The following MED12L variants were observed in gnomAD, a reference collection of about 807,000 sequenced individuals.
MED12L encodes the protein mediator of RNA polymerase II transcription subunit 12-like protein.
Under a neutral mutation model 281.3 loss-of-function variants are expected in MED12L, and 60 were observed. That is an observed-to-expected ratio of 0.21 (90% confidence interval 0.17 to 0.26). The LOEUF is 0.26. Ranked by LOEUF, MED12L falls within the 10% of genes least tolerant of loss-of-function variation. The pLI is 1.00. For missense variants in MED12L, 2,146 were observed against 2,680.9 expected (o/e 0.80, Z 4.41); for synonymous variants, 974 against 987.2 (o/e 0.99, Z 0.25).
At chr3:151,329,187 C>T (rs1401181907) in intron 16 of MED12L, among the ~76,000 whole-genome samples, 2 of 152,144 alleles carry the variant, frequency 1.3e-5, no homozygotes, top group Non-Finnish European at 2.9e-5. Flanking sequence ...ATTTTTAAAG[C>T]ATATAATACA....
intron 16 of MED12L, among the ~76,000 whole-genome samples, chr3:151,209,466 A>ATGTCT (rs1726832176): frequency 6.6e-6 from 1 of 152,166 alleles, no homozygotes; most frequent in African/African-American, 2.4e-5. Flanking sequence ...TTTGACGGGC[A>ATGTCT]TGTCTTGTCT....
At chr3:151,419,538 A>C (rs992420470) in intron 43 of MED12L, among the ~76,000 whole-genome samples, 1 of 152,130 alleles carries the variant, frequency 6.6e-6, no homozygotes, top group East Asian at 1.9e-4. Context: ...CTCAAATGTT[A>C]ATCTCCTTTG....
At chr3:151,129,581 C>T (rs1715059799) in intron 5 of MED12L, among the ~76,000 whole-genome samples, 1 of 152,028 alleles carries the variant, frequency 6.6e-6, no homozygotes, top group African/African-American at 2.4e-5. Flanking sequence ...ACAAAATTTT[C>T]AAATAGTGCT....
intron 16 of MED12L, among the ~76,000 whole-genome samples, chr3:151,207,563 T>C (rs1042536778): frequency 3.9e-4 from 59 of 152,078 alleles, no homozygotes; most frequent in African/African-American, 1.2e-3. Flanking sequence ...TGAGACCAAA[T>C]CTTGGATGCT....
At chr3:151,427,117 C>A (rs140668397) in intron 43 of MED12L, among the ~76,000 whole-genome samples, 1 of 152,186 alleles carries the variant, frequency 6.6e-6, no homozygotes, top group Non-Finnish European at 1.5e-5. Context: ...CTGTGCCTGG[C>A]CTGGTTTACA....
chr3:151,417,482 C>A (rs934421236), intron 43 of MED12L, among the ~76,000 whole-genome samples: 17 of 99,726 alleles, frequency 1.7e-4, no homozygotes, highest in East Asian at 1.3e-3. Context: ...CAGCTCCCCC[C>A]CCGCCTTTTT....
chr3:151,287,649 C>T (rs1299679865), intron 16 of MED12L, among the ~76,000 whole-genome samples: 6 of 152,046 alleles, frequency 3.9e-5, no homozygotes, highest in Admixed American at 1.3e-4. Context: ...AGGTGTGCCT[C>T]GGTTTCTTCA....
At chr3:151,269,532 G>C (rs937118612) in intron 16 of MED12L, 33 of 299,730 alleles carry the variant, frequency 1.1e-4, no homozygotes, top group Non-Finnish European at 2.0e-4. Context: ...TTTGGAAGAG[G>C]TCAAAATTGA....
At chr3:151,368,647 T>TCATGTCATG (rs1755676388) in intron 25 of MED12L, among the ~76,000 whole-genome samples, 2 of 64,390 alleles carry the variant, frequency 3.1e-5, no homozygotes, top group Admixed American at 3.2e-4. Flanking sequence ...TTCATTTCAT[T>TCATGTCATG]TCATTTCATT....
intron 2 of MED12L, among the ~76,000 whole-genome samples, chr3:151,101,522 G>T (rs1721391005): frequency 6.6e-6 from 1 of 152,154 alleles, no homozygotes; most frequent in Non-Finnish European, 1.5e-5. Flanking sequence ...CGTGAGTTCA[G>T]AAAAGAGAGG....
intron 16 of MED12L, chr3:151,338,778 A>T (rs758305935): frequency 1.9e-6 from 3 of 1,613,944 alleles, no homozygotes; most frequent in East Asian, 4.5e-5. Flanking sequence ...GACCTGGGTG[A>T]TTTTGTAGTC....
intron 9 of MED12L, among the ~76,000 whole-genome samples, chr3:151,164,790 G>C (rs1033993762): frequency 3.9e-5 from 6 of 152,010 alleles, no homozygotes; most frequent in Non-Finnish European, 8.8e-5. Flanking sequence ...CTCATAGGTG[G>C]GAATGGAACA....
chr3:151,273,402 A>ATTTTTTTTTTTT (rs531443713), intron 16 of MED12L, among the ~76,000 whole-genome samples: 2 of 113,616 alleles, frequency 1.8e-5, no homozygotes, highest in Non-Finnish European at 3.5e-5. Context: ...TAATTTTTGT[A>ATTTTTTTTTTTT]TTTTTTTTTT....
At chr3:151,347,244 C>T (rs1217371677) in intron 16 of MED12L, among the ~76,000 whole-genome samples, 1 of 152,130 alleles carries the variant, frequency 6.6e-6, no homozygotes, top group Admixed American at 6.5e-5. Context: ...TAATTTTTCT[C>T]CTTATCTTCA....
At chr3:151,151,192 C>T (rs530914380) in intron 5 of MED12L, among the ~76,000 whole-genome samples, 1 of 151,792 alleles carries the variant, frequency 6.6e-6, no homozygotes, top group Non-Finnish European at 1.5e-5. Context: ...CGCCCGCCAC[C>T]ACACCCAGCT....
intron 17 of MED12L, among the ~76,000 whole-genome samples, chr3:151,354,140 C>CAAAAAA (rs63033360): frequency 0.028 from 1,750 of 62,832 alleles, 140 homozygotes; most frequent in East Asian, 0.13. Flanking sequence ...GACTCCGTCT[C>CAAAAAA]AAAAAAAAAA....
At chr3:151,154,672 G>A (rs1412684288) in intron 5 of MED12L, among the ~76,000 whole-genome samples, 3 of 152,160 alleles carry the variant, frequency 2.0e-5, no homozygotes, top group Admixed American at 6.5e-5. Flanking sequence ...ACAAAAGTTA[G>A]GATTTGGATC....
chr3:151,353,302 A>G (rs950275162), intron 17 of MED12L, among the ~76,000 whole-genome samples: 3 of 152,246 alleles, frequency 2.0e-5, no homozygotes, highest in African/African-American at 7.2e-5. Flanking sequence ...ATGTTAGTAA[A>G]TGAAAAATTC....
chr3:151,350,067 T>C lies in MED12L; in HGVS notation c.2259T>C (p.Ser753=), dbSNP rs143033641. The change falls in exon 17 of 45, where the codon TCT becomes TCC. Residue 753 remains serine, a synonymous_variant. Transcript: ENST00000687756. ...ATHFPIPLDE[S]SSHECNQRTI... ...CATTTTCTGTTTTTCAGGATGAATCTTCAAGTCATGAATGTAACCAGCGCA... is the reference window on the plus strand; with the variant it reads ...CATTTTCTGTTTTTCAGGATGAATCCTCAAGTCATGAATGTAACCAGCGCA... 1.9e-6 allele frequency: 3 copies of C among 1,609,876 alleles called. No individual in the cohort carries two copies. The African/African-American group carries it at 4.0e-5, about 22-fold the overall frequency.
Sources: gnomAD v4.1 joint callset for allele counts (sites outside exome capture counted in the v4.1 genomes callset) on GRCh38, gnomAD v4.1.1 for gene constraint, MANE v1.5 for transcripts, NCBI Gene and HGNC (gene_info 2026-07-23, HGNC 2026-07-21) for gene names.